SLC13A4: variants seen among roughly 807,000 people sequenced by gnomAD.
SLC13A4 encodes the protein Na(+)/sulfate cotransporter SUT-1.
A neutral mutation model predicts 72.7 loss-of-function variants in SLC13A4; 28 were observed. The observed-to-expected ratio is 0.39, with a 90% CI of 0.29 to 0.53. SLC13A4 has a LOEUF of 0.53. SLC13A4 is among the 20% of genes least tolerant of loss of function. SLC13A4 has a pLI of 0.78. For synonymous variants in SLC13A4, 312 were observed against 325.5 expected (o/e 0.96, Z 0.45); for missense variants, 653 against 788.0 (o/e 0.83, Z 2.05).
In SLC13A4 at chr7:135,684,159, C is replaced by T. The variant is rs374733635; in HGVS notation, c.1711G>A (p.Val571Ile). Residue 571 changes from valine (V) to isoleucine (I), a missense_variant, in exon 15 of 16, where the codon GTC (valine) becomes ATC (isoleucine). Transcript: ENST00000682651. ...ATCTGGCAGTGCCCATAGCTGAAGACGATGGCATTAGGGGGATTGCCCACA... is the reference window on the plus strand; with the variant it reads ...ATCTGGCAGTGCCCATAGCTGAAGATGATGGCATTAGGGGGATTGCCCACA... The part of the protein sequence containing the change: ...LPVGNPPNAI[V>I]FSYGHCQIKD... 3.9e-5 allele frequency: 63 copies of T among 1,612,118 alleles called. 1 individual carries two copies. In the Admixed American group the frequency reaches 5.2e-4, roughly 13 times the overall value.
At chr7:135,693,595 AT>A (rs1400119170) in intron 10 of SLC13A4, among the ~76,000 whole-genome samples, 1 of 152,218 alleles carries the variant, frequency 6.6e-6, no homozygotes, top group Non-Finnish European at 1.5e-5. Context: ...GTATGTGCCA[AT>A]TGCCATAAAA....
chr7:135,698,463 T>C (rs1779916148), intron 8 of SLC13A4, among the ~76,000 whole-genome samples: 1 of 148,060 alleles, frequency 6.8e-6, no homozygotes, highest in South Asian at 2.1e-4. Flanking sequence ...GCCTCCTAAG[T>C]AGCGGGGATT....
At chr7:135,694,739 A>G (rs1176363941) in intron 9 of SLC13A4, among the ~76,000 whole-genome samples, 1 of 152,230 alleles carries the variant, frequency 6.6e-6, no homozygotes, top group Non-Finnish European at 1.5e-5. Flanking sequence ...GCAATACTGG[A>G]GTTAAGAAGT....
chr7:135,687,776 C>T (rs201903090), intron 13 of SLC13A4, among the ~76,000 whole-genome samples: 2 of 151,874 alleles, frequency 1.3e-5, no homozygotes, highest in African/African-American at 4.8e-5. Flanking sequence ...TTTTACTTAA[C>T]GTTATCCAAA....
At chr7:135,721,840 T>C (rs1454832326) in intron 1 of SLC13A4, among the ~76,000 whole-genome samples, 1 of 152,190 alleles carries the variant, frequency 6.6e-6, no homozygotes, top group African/African-American at 2.4e-5. Context: ...ACCAGACCCA[T>C]GATCACAAAA....
chr7:135,715,333 G>T lies in SLC13A4; in HGVS notation c.228+6062C>A, dbSNP rs113331026. Among the ~76,000 whole-genome samples the T allele has an allele frequency of 9.3e-3, 1,385 of 149,464 alleles. 27 individuals are homozygous for T. Among genetic ancestry groups the T allele is most frequent in the East Asian group, 0.07 (352 of 5,056 alleles). On this transcript the variant is annotated intron_variant, in intron 2 of 15. Coordinates refer to ENST00000682651, the MANE Select transcript of SLC13A4 (RefSeq NM_001318192.2). The stretch of plus-strand genomic sequence containing the variant: ...AGCATGTGTATGTGTGTGAGTAAGT[G>T]TATGTATATGTGAGCGTGTGTATGA...
intron 2 of SLC13A4, among the ~76,000 whole-genome samples, chr7:135,720,925 C>T (rs932617520): frequency 1.3e-5 from 2 of 152,156 alleles, no homozygotes; most frequent in African/African-American, 2.4e-5. Flanking sequence ...AAAACATTGT[C>T]AGGGTTCAGG....
At chr7:135,683,942 A>G in intron 15 of SLC13A4, 182 bp downstream of exon 15, 1 of 562,712 alleles carries the variant, frequency 1.8e-6, no homozygotes, top group Non-Finnish European at 2.3e-6. Flanking sequence ...CATTCTTGCT[A>G]TCCTTGGTGC....
intron 2 of SLC13A4, among the ~76,000 whole-genome samples, chr7:135,711,084 G>A (rs1348291539): frequency 6.6e-6 from 1 of 152,140 alleles, no homozygotes; most frequent in African/African-American, 2.4e-5. Context: ...GAGGTTCAAG[G>A]GCCTTTCTCA....
intron 15 of SLC13A4, chr7:135,683,487 C>G (rs7805418): frequency 0.076 from 71,730 of 949,852 alleles, 2,917 homozygotes; most frequent in African/African-American, 0.15. Context: ...TCTCCCCCCC[C>G]GCTCAGCCCT....
intron 7 of SLC13A4, among the ~76,000 whole-genome samples, chr7:135,699,930 C>A (rs540301948): frequency 6.6e-6 from 1 of 152,252 alleles, no homozygotes; most frequent in South Asian, 2.1e-4. Flanking sequence ...GTTTGAATAA[C>A]AAACAGATGT....
rs1408601893 is a variant in SLC13A4, at chr7:135,721,447, G to A, written c.176C>T (p.Ala59Val). ...CGGGTAAAGGAAGGCCGGCACCAGG[G>A]CTGCAGCTCCCAGAGGCACTGCCTC... ...VSEAVPLGAA[A>V]LVPAFLYPFF... is the part of the protein sequence containing the mutation. Residue 59 changes from alanine to valine, a missense_variant, in exon 2 of 16, where the codon GCC becomes GTC. Physicochemically the swap from Ala to Val is moderately conservative, Grantham distance 64. Coordinates refer to ENST00000682651, the MANE Select transcript of SLC13A4 (RefSeq NM_001318192.2). 2 of 1,614,128 alleles carry A rather than the reference G, an allele frequency of 1.2e-6. No homozygotes were observed. Among genetic ancestry groups the A allele is most frequent in the Non-Finnish European group, 1.7e-6 (2 of 1,179,994 alleles).
chr7:135,683,053 C>A (rs1339305268), intron 15 of SLC13A4, among the ~76,000 whole-genome samples: 1 of 152,088 alleles, frequency 6.6e-6, no homozygotes, highest in Non-Finnish European at 1.5e-5. Context: ...AATGCCAGCA[C>A]TTTGGGAGGC....
At chr7:135,684,395 T>C in intron 14 of SLC13A4, 134 bp from the exon 15 acceptor site, 1 of 987,852 alleles carries the variant, frequency 1.0e-6, no homozygotes, top group Non-Finnish European at 1.4e-6. Flanking sequence ...GGTAGTTAGG[T>C]CTCTGCCCTC....
chr7:135,714,780 G>GGAA (rs746066564), intron 2 of SLC13A4, among the ~76,000 whole-genome samples: 2 of 152,244 alleles, frequency 1.3e-5, no homozygotes, highest in Non-Finnish European at 2.9e-5. Flanking sequence ...GAGCCAGCAG[G>GGAA]GAAGCGGATT....
chr7:135,718,093 G>C (rs74483014), intron 2 of SLC13A4, among the ~76,000 whole-genome samples: 24 of 144,654 alleles, frequency 1.7e-4, no homozygotes, highest in African/African-American at 3.6e-4. Flanking sequence ...ACACACGCGC[G>C]CGCGCGCACG....
At chr7:135,705,456 G>A (rs978400787) in intron 5 of SLC13A4, 140 bp downstream of exon 5, 67 of 713,438 alleles carry the variant, frequency 9.4e-5, no homozygotes, top group East Asian at 1.3e-4. Context: ...GAGGTTGGGC[G>A]GGGTGGGGGG....
In SLC13A4 at chr7:135,718,097, G is replaced by A. The variant is rs555344669; in HGVS notation, c.228+3298C>T. On this transcript the variant is annotated intron_variant, in intron 2 of 15. Transcript: ENST00000682651. Reference sequence around the variant, plus strand: ...CACACACACACACACACGCGCGCGCGCGCACGCGTGCGCGCTAGTCTCCTC... The same window carrying A: ...CACACACACACACACACGCGCGCGCACGCACGCGTGCGCGCTAGTCTCCTC... Among the ~76,000 whole-genome samples, 437 of 84,810 alleles carry A rather than the reference G, an allele frequency of 5.2e-3. 4 individuals are homozygous for A. Among genetic ancestry groups the A allele is most frequent in the East Asian group, 0.034 (91 of 2,658 alleles). 55.6% of individuals were successfully genotyped at this position (84,810 alleles called of 152,430 possible).
chr7:135,703,593 C>T (rs1261468642), intron 5 of SLC13A4: 1 of 152,390 alleles, frequency 6.6e-6, no homozygotes, highest in Non-Finnish European at 1.5e-5. Flanking sequence ...CAACCTTTGC[C>T]TTGAGGACAG....
Sources: gnomAD v4.1 joint callset for allele counts (sites outside exome capture counted in the v4.1 genomes callset) on GRCh38, gnomAD v4.1.1 for gene constraint, MANE v1.5 for transcripts, NCBI Gene and HGNC (gene_info 2026-07-23, HGNC 2026-07-21) for gene names.